The following XKR6 variants were observed in gnomAD, a reference collection of about 807,000 sequenced individuals.
XKR6 encodes the protein XK-related protein 6.
XKR6 carries 22 observed loss-of-function variants against 56.7 expected under a neutral mutation model. That is an observed-to-expected ratio of 0.39 (90% CI 0.28 to 0.55). XKR6 has a LOEUF of 0.55. Among genes scored for constraint, XKR6 ranks in the 20% least tolerant of loss-of-function variants. The pLI, the probability that XKR6 is intolerant of heterozygous loss-of-function variation, is 0.66. For synonymous variants in XKR6, 524 were observed against 387.8 expected (o/e 1.35, Z -4.13); for missense variants, 852 against 889.0 (o/e 0.96, Z 0.53).
chr8:10,996,151 T>A (rs934346173), intron 1 of XKR6, among the ~76,000 whole-genome samples: 4 of 152,240 alleles, frequency 2.6e-5, no homozygotes, highest in Non-Finnish European at 5.9e-5. Flanking sequence ...CATTATCTGT[T>A]ACCAACTTCT....
chr8:11,092,196 G>C (rs1256706516), intron 1 of XKR6, among the ~76,000 whole-genome samples: 1 of 152,212 alleles, frequency 6.6e-6, no homozygotes, highest in African/African-American at 2.4e-5. Flanking sequence ...ATAAGGGACT[G>C]TGAACTCATT....
chr8:10,996,432 C>G (rs968261733), intron 1 of XKR6, among the ~76,000 whole-genome samples: 1 of 152,126 alleles, frequency 6.6e-6, no homozygotes, highest in Non-Finnish European at 1.5e-5. Flanking sequence ...TTCTTACCTT[C>G]TTTGGATGCA....
At position 11,156,399 on chromosome 8, in the gene XKR6, A is replaced by G. The variant is rs866000833; in HGVS notation, c.764+44177T>C. Among the ~76,000 whole-genome samples the G allele has an allele frequency of 3.3e-5, 5 of 152,122 alleles. No individual in the cohort carries two copies. In the South Asian group the frequency reaches 8.3e-4, roughly 25 times the overall value. The stretch of plus-strand genomic sequence containing the variant: ...GAGAGCATGCAACACATCCTATTCT[A>G]TCTCCCCACCTGCCTGCCTCTTCAG... On this transcript the variant is annotated intron_variant, in intron 1 of 2. Transcript: ENST00000416569.
At chr8:11,196,663 G>A (rs1282666412) in intron 1 of XKR6, among the ~76,000 whole-genome samples, 3 of 152,216 alleles carry the variant, frequency 2.0e-5, no homozygotes, top group Non-Finnish European at 4.4e-5. Context: ...AGTGGAATAA[G>A]CCTGAAATCC....
At chr8:10,991,172 G>C (rs977351253) in intron 1 of XKR6, among the ~76,000 whole-genome samples, 1 of 152,086 alleles carries the variant, frequency 6.6e-6, no homozygotes, top group Non-Finnish European at 1.5e-5. Flanking sequence ...CCAAAGTGCT[G>C]GGATTACAGG....
At chr8:11,086,826 G>A (rs945902205) in intron 1 of XKR6, among the ~76,000 whole-genome samples, 4 of 152,178 alleles carry the variant, frequency 2.6e-5, no homozygotes, top group Non-Finnish European at 4.4e-5. Context: ...GCAGTGGCAC[G>A]GCTGCTGCCA....
chr8:11,073,769 C>T (rs558740859), intron 1 of XKR6, among the ~76,000 whole-genome samples: 24 of 152,270 alleles, frequency 1.6e-4, no homozygotes, highest in Non-Finnish European at 3.4e-4. Flanking sequence ...GTTCTGCTGG[C>T]CTTTGGCAGA....
rs538868757 is a variant in XKR6, at chr8:11,006,413, G to T, written c.765-81583C>A. ...CAATTGTCACTATCCATCCCTTATC[G>T]TATGTTGCATGTCTGAGACATGCCA... On this transcript the variant is annotated intron_variant, in intron 1 of 2. Transcript: ENST00000416569. 4.5e-4 allele frequency among the ~76,000 whole-genome samples: 69 copies of T among 152,208 alleles called. 1 individual carries two copies. The highest frequency in any genetic ancestry group is 1.6e-3 in the African/African-American group (68 of 41,542).
At chr8:11,127,585 T>G (rs780346240) in intron 1 of XKR6, among the ~76,000 whole-genome samples, 1 of 152,178 alleles carries the variant, frequency 6.6e-6, no homozygotes, top group South Asian at 2.1e-4. Context: ...TTCCTCTGCC[T>G]TCAAAGCTAG....
intron 1 of XKR6, chr8:11,104,685 T>C (rs577956275): frequency 3.3e-5 from 5 of 152,230 alleles, no homozygotes; most frequent in African/African-American, 7.2e-5. Context: ...GTTATAACCA[T>C]TGCATCAATT....
chr8:11,169,967 T>G (rs961167443), intron 1 of XKR6, among the ~76,000 whole-genome samples: 1 of 128,908 alleles, frequency 7.8e-6, no homozygotes, highest in African/African-American at 3.2e-5. Flanking sequence ...GTCATTGTGA[T>G]CTCATAGACA....
At chr8:11,172,906 G>C (rs1802450753) in intron 1 of XKR6, among the ~76,000 whole-genome samples, 2 of 152,116 alleles carry the variant, frequency 1.3e-5, no homozygotes, top group Admixed American at 1.3e-4. Context: ...TTGCAGGCAG[G>C]CTGGCAGCGG....
intron 1 of XKR6, among the ~76,000 whole-genome samples, chr8:11,040,464 C>T (rs926670819): frequency 4.0e-5 from 6 of 151,796 alleles, no homozygotes; most frequent in African/African-American, 1.2e-4. Context: ...CCCAGGGGGT[C>T]GAGGCTGCAG....
chr8:11,123,225 A>G (rs1383831422), intron 1 of XKR6, among the ~76,000 whole-genome samples: 1 of 135,980 alleles, frequency 7.4e-6, no homozygotes, highest in Admixed American at 7.7e-5. Context: ...TGGCAGAGTG[A>G]CTCTGTGTAG....
chr8:11,155,941 G>A (rs559493580), intron 1 of XKR6, among the ~76,000 whole-genome samples: 2 of 152,282 alleles, frequency 1.3e-5, no homozygotes, highest in Admixed American at 6.5e-5. Context: ...CAATGAAGGA[G>A]GCGCCTATTC....
chr8:11,148,884 C>T (rs1016585769), intron 1 of XKR6, among the ~76,000 whole-genome samples: 2 of 152,164 alleles, frequency 1.3e-5, no homozygotes, highest in Non-Finnish European at 1.5e-5. Context: ...ATGAATGAAT[C>T]TGAAAATAAT....
chr8:11,099,577 A>G (rs1381208444), intron 1 of XKR6, among the ~76,000 whole-genome samples: 1 of 152,188 alleles, frequency 6.6e-6, no homozygotes, highest in African/African-American at 2.4e-5. Flanking sequence ...CTTTACTTCT[A>G]AATCCACATT....
At chr8:10,929,490 C>T (rs1487075327) in intron 1 of XKR6, among the ~76,000 whole-genome samples, 1 of 152,246 alleles carries the variant, frequency 6.6e-6, no homozygotes, top group African/African-American at 2.4e-5. Context: ...TGCCCACGCA[C>T]CTCCCAGAGG....
intron 1 of XKR6, among the ~76,000 whole-genome samples, chr8:11,123,160 C>T (rs1312548569): frequency 1.3e-5 from 2 of 150,774 alleles, no homozygotes; most frequent in African/African-American, 4.9e-5. Flanking sequence ...TGGCTTGAAC[C>T]TGGGAGGTGG....
Sources: allele counts gnomAD v4.1 joint callset (sites outside exome capture counted in the v4.1 genomes callset), GRCh38; gene constraint gnomAD v4.1.1; transcripts MANE v1.5; gene names NCBI Gene and HGNC (gene_info 2026-07-23, HGNC 2026-07-21).